Variants in PLD1 observed in about 807,000 individuals in gnomAD.
PLD1 encodes the protein phospholipase D1.
Under a neutral mutation model 137.1 loss-of-function variants are expected in PLD1, and 112 were observed. The ratio of observed to expected loss-of-function variants is 0.82; its 90% CI spans 0.70 to 0.96. The LOEUF is 0.96. PLD1 is among the 40% of genes least tolerant of loss of function. The pLI is 0.00. For synonymous variants in PLD1, 431 were observed against 454.7 expected (o/e 0.95, Z 0.66); for missense variants, 1,321 against 1,342.0 (o/e 0.98, Z 0.24).
intron 4 of PLD1, among the ~76,000 whole-genome samples, chr3:171,735,188 G>T (rs1418169973): frequency 6.6e-6 from 1 of 152,144 alleles, no homozygotes; most frequent in African/African-American, 2.4e-5. Context: ...GAGTGCAGTG[G>T]TACAATCATG....
At chr3:171,795,552 T>G (rs551123384) in intron 1 of PLD1, among the ~76,000 whole-genome samples, 51 of 152,272 alleles carry the variant, frequency 3.3e-4, no homozygotes, top group Non-Finnish European at 5.7e-4. Context: ...GGCACAAATC[T>G]CTGCACAAGA....
intron 21 of PLD1, among the ~76,000 whole-genome samples, chr3:171,657,293 A>G (rs908525930): frequency 2.6e-5 from 4 of 152,244 alleles, no homozygotes. Flanking sequence ...TACTGTTATA[A>G]TATGTCCTTA....
chr3:171,772,202 C>T (rs1722394651), intron 1 of PLD1, among the ~76,000 whole-genome samples: 1 of 152,186 alleles, frequency 6.6e-6, no homozygotes, highest in African/African-American at 2.4e-5. Context: ...TAGTTTTCAA[C>T]TCCAAGAACA....
intron 6 of PLD1, among the ~76,000 whole-genome samples, chr3:171,729,802 T>C (rs7616441): frequency 2.0e-5 from 3 of 152,010 alleles, no homozygotes; most frequent in Non-Finnish European, 4.4e-5. Flanking sequence ...ATGAAAACAC[T>C]GTGTGCACGT....
At chr3:171,782,378 T>G (rs946553350) in intron 1 of PLD1, among the ~76,000 whole-genome samples, 1 of 152,120 alleles carries the variant, frequency 6.6e-6, no homozygotes, top group South Asian at 2.1e-4. Flanking sequence ...CACTAAAGAT[T>G]TGAGCATTTC....
At chr3:171,753,617 C>A (rs957238560) in intron 1 of PLD1, among the ~76,000 whole-genome samples, 1 of 152,150 alleles carries the variant, frequency 6.6e-6, no homozygotes, top group African/African-American at 2.4e-5. Flanking sequence ...ATGTCCCTCA[C>A]CTTATTTGTG....
chr3:171,650,618 T>C (rs1027469498), intron 21 of PLD1, among the ~76,000 whole-genome samples: 1 of 152,188 alleles, frequency 6.6e-6, no homozygotes, highest in African/African-American at 2.4e-5. Context: ...TGGCCACATT[T>C]ATCAGGAAGT....
At chr3:171,684,276 G>C (rs961517083) in intron 16 of PLD1, among the ~76,000 whole-genome samples, 8 of 152,090 alleles carry the variant, frequency 5.3e-5, no homozygotes, top group African/African-American at 9.7e-5. Flanking sequence ...AATCTTCATG[G>C]GTTGGCAACC....
intron 1 of PLD1, among the ~76,000 whole-genome samples, chr3:171,797,060 C>T (rs984974329): frequency 6.6e-6 from 1 of 152,160 alleles, no homozygotes; most frequent in Non-Finnish European, 1.5e-5. Flanking sequence ...CTTAATTCCA[C>T]CTGTTCATGG....
At chr3:171,625,628 C>G (rs1307891773) in intron 23 of PLD1, among the ~76,000 whole-genome samples, 1 of 152,168 alleles carries the variant, frequency 6.6e-6, no homozygotes, top group Non-Finnish European at 1.5e-5. Context: ...ACACCTCACA[C>G]GGCCGGGTAC....
At chr3:171,740,707 T>A (rs1350023000) in intron 1 of PLD1, among the ~76,000 whole-genome samples, 2 of 152,188 alleles carry the variant, frequency 1.3e-5, no homozygotes, top group East Asian at 3.8e-4. Context: ...AAAAGAAGCA[T>A]ATTCACTTAT....
intron 1 of PLD1, among the ~76,000 whole-genome samples, chr3:171,760,593 A>C (rs1038803644): frequency 6.6e-6 from 1 of 152,228 alleles, no homozygotes; most frequent in Non-Finnish European, 1.5e-5. Flanking sequence ...AGAGGATGAG[A>C]GGGAAGCACA....
In PLD1 at chr3:171,689,603, C is replaced by T. The variant is rs1310165854; in HGVS notation, c.1339-727G>A. On this transcript the variant is annotated intron_variant, in intron 13 of 26. Coordinates refer to ENST00000351298, the MANE Select transcript of PLD1 (RefSeq NM_002662.5). ...GCAGCCTTGAATTCCTGAGCTCAAA[C>T]GATCCTTCTGCCTCAGCCTCCTGAG... Among the ~76,000 whole-genome samples, 6 of 152,062 alleles carry T rather than the reference C, an allele frequency of 3.9e-5. No individual in the cohort carries two copies. The South Asian group carries it at 1.2e-3, about 32-fold the overall frequency.
chr3:171,621,148 T>C (rs922996483), intron 23 of PLD1, among the ~76,000 whole-genome samples: 5 of 152,220 alleles, frequency 3.3e-5, no homozygotes, highest in African/African-American at 1.2e-4. Context: ...CTTACTACAT[T>C]AGACTTAGAA....
chr3:171,673,896 A>C (rs1303791707), intron 19 of PLD1, among the ~76,000 whole-genome samples: 1 of 150,734 alleles, frequency 6.6e-6, no homozygotes, highest in Non-Finnish European at 1.5e-5. Context: ...TGTAGTTGGT[A>C]AAGGAAGCAG....
chr3:171,609,053 C>T (rs1176352072), intron 25 of PLD1, among the ~76,000 whole-genome samples: 2 of 151,936 alleles, frequency 1.3e-5, no homozygotes, highest in African/African-American at 4.8e-5. Context: ...AGTTAAACAA[C>T]AACCCCATTA....
At chr3:171,716,311 C>G (rs1717680407) in intron 8 of PLD1, among the ~76,000 whole-genome samples, 2 of 152,194 alleles carry the variant, frequency 1.3e-5, no homozygotes, top group Admixed American at 1.3e-4. Flanking sequence ...GGGGAATCAT[C>G]ACACTGCTTT....
chr3:171,679,206 G>A (rs1353440692), intron 16 of PLD1, among the ~76,000 whole-genome samples: 1 of 152,178 alleles, frequency 6.6e-6, no homozygotes, highest in Non-Finnish European at 1.5e-5. Flanking sequence ...CAGAACAAAT[G>A]TTTTTATGTA....
intron 13 of PLD1, among the ~76,000 whole-genome samples, chr3:171,690,961 C>T (rs1467870842): frequency 6.6e-6 from 1 of 152,158 alleles, no homozygotes; most frequent in Non-Finnish European, 1.5e-5. Flanking sequence ...CTGTCTTTTT[C>T]TCCTTTCAAT....
Sources: allele counts gnomAD v4.1 joint callset (sites outside exome capture counted in the v4.1 genomes callset), GRCh38; gene constraint gnomAD v4.1.1; transcripts MANE v1.5; gene names NCBI Gene and HGNC (gene_info 2026-07-23, HGNC 2026-07-21).